FUS: variants seen among roughly 807,000 people sequenced by gnomAD.
The protein encoded by FUS is RNA-binding protein FUS.
A neutral mutation model predicts 82.7 loss-of-function variants in FUS; 5 were observed. The observed-to-expected ratio is 0.06, with a 90% confidence interval of 0.03 to 0.13. The LOEUF (loss-of-function observed/expected upper bound fraction) is 0.13, where lower values mean the gene tolerates loss of function less well. FUS is among the 10% of genes least tolerant of loss of function. The pLI is 1.00. For missense variants in FUS, 512 were observed against 707.8 expected (o/e 0.72, Z 3.14); for synonymous variants, 281 against 247.4 (o/e 1.14, Z -1.27).
At chr16:31,189,270 C>T (rs1489406556) in intron 9 of FUS, 44 bp downstream of exon 9, 11 of 1,371,632 alleles carry the variant, frequency 8.0e-6, no homozygotes, top group Non-Finnish European at 1.1e-5. Flanking sequence ...GTGTTGTAGG[C>T]TTGTGGATTT....
chr16:31,188,608 C>G (rs1334890408), intron 8 of FUS: 1 of 583,468 alleles, frequency 1.7e-6, no homozygotes, highest in Non-Finnish European at 3.0e-6. Context: ...TCTAACAAGT[C>G]CCCAGTGATG....
At chr16:31,194,358 G>C (rs566083187), downstream of FUS, 1 of 517,436 alleles carries the variant, frequency 1.9e-6, no homozygotes, top group Admixed American at 2.3e-5. Context: ...GTGTGATCTC[G>C]ACCAACTGCA....
In FUS at chr16:31,188,365, C is replaced by T. The variant is rs1030354011; in HGVS notation, c.832+8C>T. 2 of 1,613,046 alleles carry T rather than the reference C, an allele frequency of 1.2e-6. No individual in the cohort carries two copies. The highest frequency in any genetic ancestry group is 1.7e-4 in the Middle Eastern group (1 of 6,060). On this transcript the variant is annotated splice_region_variant and intron_variant, in intron 8 of 14. Coordinates refer to ENST00000254108, the MANE Select transcript of FUS (RefSeq NM_004960.4). ...GATCACGTCATGACTCCGGTGAGTTCACACGTGGTGGCATGAAAAGAGTGG... is the reference window on the plus strand; with the variant it reads ...GATCACGTCATGACTCCGGTGAGTTTACACGTGGTGGCATGAAAAGAGTGG...
chr16:31,189,087 C>G (rs1282233740), intron 8 of FUS, 36 bp from the exon 9 acceptor site: 4 of 1,502,246 alleles, frequency 2.7e-6, no homozygotes, highest in Non-Finnish European at 3.7e-6. Flanking sequence ...TTTATTTTAC[C>G]TTTTCACATT....
chr16:31,182,251 A>C (rs1436823407), intron 1 of FUS, 147 bp from the exon 2 acceptor site: 3 of 961,534 alleles, frequency 3.1e-6, no homozygotes, highest in Admixed American at 1.8e-5. Context: ...TCGGCCTCCC[A>C]AACTGCTGGG....
chr16:31,194,121 T>A (rs2079394224), downstream of FUS: 2 of 533,066 alleles, frequency 3.8e-6, no homozygotes, highest in Non-Finnish European at 7.3e-6. Flanking sequence ...TTTCAGCTTT[T>A]TTCCCCATCT....
chr16:31,194,834 A>G (rs1201410212), downstream of FUS: 1 of 477,768 alleles, frequency 2.1e-6, no homozygotes, highest in Non-Finnish European at 4.2e-6. Context: ...ACCAAAAATA[A>G]AAACAAAAAA....
In FUS at chr16:31,182,322, G is replaced by A. The variant is rs1596889260; in HGVS notation, c.14-76G>A. 1.0e-5 allele frequency: 16 copies of A among 1,551,412 alleles called. No homozygotes were observed. In the Middle Eastern group the frequency reaches 1.7e-3, roughly 163 times the overall value. On this transcript the variant is annotated intron_variant, in intron 1 of 14. Transcript: ENST00000254108. Reference sequence around the variant, plus strand: ...GTCCTTTTTATTCATCAGTGCTTGAGTTAAGGAATTTAGCTTTAATTCAAC... The same window carrying A: ...GTCCTTTTTATTCATCAGTGCTTGAATTAAGGAATTTAGCTTTAATTCAAC...
chr16:31,192,896 C>T (rs1271763763), downstream of FUS: 9 of 485,944 alleles, frequency 1.9e-5, no homozygotes, highest in Non-Finnish European at 3.3e-5. Context: ...TCAAGTGTTC[C>T]ACAAGTATGT....
chr16:31,187,861 A>T (rs75418901), intron 7 of FUS: 1 of 246,998 alleles, frequency 4.0e-6, no homozygotes, highest in Non-Finnish European at 7.9e-6. Flanking sequence ...CTAAAGATGA[A>T]ATTAAAAATT....
intron 8 of FUS, 45 bp downstream of exon 8, chr16:31,188,402 T>A (rs368943970): frequency 1.3e-6 from 2 of 1,596,218 alleles, no homozygotes; most frequent in Non-Finnish European, 1.7e-6. Context: ...TAAAGTGGTA[T>A]CAAGACTGCC....
At chr16:31,190,712 T>C in intron 12 of FUS, 30 bp from the exon 13 acceptor site, 1 of 1,595,848 alleles carries the variant, frequency 6.3e-7, no homozygotes, top group Non-Finnish European at 8.6e-7. Flanking sequence ...TCCCCATCGC[T>C]CCAGACTGAT....
rs59633484 is a variant in FUS at position 31,184,820 on chromosome 16, GTCTTTTTACTT to G, written c.524-112_524-102del. 338,410 of 1,052,964 alleles carry G rather than the reference GTCTTTTTACTT, an allele frequency of 0.32. 56,221 individuals are homozygous for G. Among genetic ancestry groups the G allele is most frequent in the South Asian group, 0.53 (39,385 of 74,824 alleles). 65.2% of individuals were successfully genotyped at this position (1,052,964 alleles called of 1,614,324 possible). A position where few individuals can be genotyped will look rare whatever the true frequency, so the allele number is the denominator to read the frequency against. ...AGGGTTCCTGTCTTGTTTCCTAGCT[GTCTTTTTACTT>G]TCTTTTGTCCTTCATTGCCTGGCAC... On this transcript the variant is annotated intron_variant, in intron 5 of 14. Coordinates refer to ENST00000254108, the MANE Select transcript of FUS (RefSeq NM_004960.4).
Position 31,186,788 on chromosome 16 carries a change from C to T in FUS, c.765-14C>T, listed in dbSNP as rs1489628785. On this transcript the variant is annotated splice_polypyrimidine_tract_variant and intron_variant, in intron 6 of 14. Transcript: ENST00000254108. The stretch of plus-strand genomic sequence containing the variant: ...GGAAGCTTCATGTCCTTTCTTCTAA[C>T]TTGTCTTCTCCAGCGGAAGTGACCG... 6.2e-7 allele frequency: 1 copy of T among 1,613,806 alleles called. No individual in the cohort carries two copies. The highest frequency in any genetic ancestry group is 1.3e-5 in the African/African-American group (1 of 74,944).
At chr16:31,188,411 C>G (rs1432572287) in intron 8 of FUS, 54 bp downstream of exon 8, 1 of 1,567,412 alleles carries the variant, frequency 6.4e-7, no homozygotes, top group East Asian at 2.2e-5. Flanking sequence ...ATCAAGACTG[C>G]CTGGATGTTC....
chr16:31,188,192 G>C, intron 7 of FUS, 133 bp from the exon 8 acceptor site: 6 of 927,340 alleles, frequency 6.5e-6, no homozygotes, highest in Non-Finnish European at 1.0e-5. Flanking sequence ...GAGGCTGTGA[G>C]CACTTACTTG....
Position 31,190,353 on chromosome 16 carries a change from G to T in FUS, c.1247G>T (p.Gly416Val). 6.2e-7 allele frequency: 1 copy of T among 1,614,218 alleles called. No homozygotes were observed. The highest frequency in any genetic ancestry group is 8.5e-7 in the Non-Finnish European group (1 of 1,180,040). The stretch of plus-strand genomic sequence containing the variant: ...GGAGGATTTCCCAGTGGAGGTGGTG[G>T]CGGTGGAGGACAGCAGCGAGCTGGT... The part of the protein sequence containing the change: ...GRGGFPSGGG[G>V]GGGQQRAGDW... Residue 416 changes from glycine to valine, a missense_variant, in exon 12 of 15, where the codon GGC becomes GTC. Around this residue, in one of 6 missense-constraint regions of FUS, gnomAD observed 63 missense variants for 83.0 expected, o/e 0.76. Coordinates refer to ENST00000254108, the MANE Select transcript of FUS (RefSeq NM_004960.4).
chr16:31,193,256 G>A (rs2079384401), downstream of FUS: 1 of 507,718 alleles, frequency 2.0e-6, no homozygotes, highest in Non-Finnish European at 3.9e-6. Flanking sequence ...GCCAGCATTG[G>A]GGTGCTCTCT....
At chr16:31,190,650 A>C (rs1255286819) in intron 12 of FUS, 92 bp from the exon 13 acceptor site, 1 of 1,310,754 alleles carries the variant, frequency 7.6e-7, no homozygotes, top group Non-Finnish European at 1.1e-6. Flanking sequence ...CAGTTTCCTC[A>C]CTGTATCTCT....
Sources: gnomAD v4.1 joint callset for allele counts on GRCh38, gnomAD v4.1.1 for gene constraint, gnomAD v4.1.1 regional missense constraint, MANE v1.5 for transcripts, NCBI Gene and HGNC (gene_info 2026-07-23, HGNC 2026-07-21) for gene names.